DHRSX: variants seen among roughly 807,000 people sequenced by gnomAD.
The protein encoded by DHRSX is polyprenol dehydrogenase.
In DHRSX, 31 loss-of-function variants were observed where a neutral mutation model predicts 34.0. The observed-to-expected ratio is 0.91, with a 90% CI of 0.69 to 1.23. The LOEUF (loss-of-function observed/expected upper bound fraction) is 1.23. DHRSX is among the 50% of genes most tolerant of loss of function. The pLI is 0.00. For synonymous variants in DHRSX, 201 were observed against 183.8 expected (o/e 1.09, Z -0.76); for missense variants, 414 against 428.1 (o/e 0.97, Z 0.29).
At chrX:2,490,131 A>T (rs1298260910) in intron 1 of DHRSX, 2 of 1,613,914 alleles carry the variant, frequency 1.2e-6, no homozygotes, top group Admixed American at 3.3e-5. Flanking sequence ...ATGTCGGTGG[A>T]GATGCCACAC....
intron 1 of DHRSX, among the ~76,000 whole-genome samples, chrX:2,469,890 C>A (rs1428376606): frequency 6.6e-6 from 1 of 152,128 alleles, no homozygotes; most frequent in East Asian, 1.9e-4. Context: ...ATCCAGACAT[C>A]CCACCACTGG....
intron 3 of DHRSX, among the ~76,000 whole-genome samples, chrX:2,310,360 T>G (rs2042147990): frequency 6.6e-6 from 1 of 152,120 alleles, no homozygotes; most frequent in Non-Finnish European, 1.5e-5. Flanking sequence ...CGTCTCTCAT[T>G]TCTATATATT....
intron 4 of DHRSX, among the ~76,000 whole-genome samples, chrX:2,273,949 G>T (rs1239112082): frequency 6.6e-6 from 1 of 152,212 alleles, no homozygotes; most frequent in Admixed American, 6.5e-5. Flanking sequence ...GCGCCGTGGT[G>T]AATGCAGCAG....
intron 3 of DHRSX, among the ~76,000 whole-genome samples, chrX:2,342,289 G>A (rs2042650730): frequency 6.6e-6 from 1 of 152,054 alleles, no homozygotes; most frequent in South Asian, 2.1e-4. Context: ...ATTTGGTGTT[G>A]CCAAAGCAAG....
chrX:2,418,986 G>C (rs1049203915), intron 2 of DHRSX, among the ~76,000 whole-genome samples: 1 of 152,098 alleles, frequency 6.6e-6, no homozygotes, highest in Non-Finnish European at 1.5e-5. Context: ...ACAGATCATG[G>C]AGGTGCTCAA....
chrX:2,249,477 C>A (rs1453573320), intron 5 of DHRSX, among the ~76,000 whole-genome samples: 2 of 143,100 alleles, frequency 1.4e-5, no homozygotes, highest in African/African-American at 5.1e-5. Context: ...GAATGACAGA[C>A]GTGATGTGAG....
In DHRSX at chrX:2,282,359, GA is replaced by G. The variant is rs201411611; in HGVS notation, c.388+9142del. The stretch of plus-strand genomic sequence containing the variant: ...CAAACGAGAAAGGAAGAGAGAAGGA[GA>G]GGGAGGAAATAAGGGGAGAGACAGA... On this transcript the variant is annotated intron_variant, in intron 4 of 6. Transcript: ENST00000334651. 2.4e-4 allele frequency among the ~76,000 whole-genome samples: 32 copies of G among 135,096 alleles called. 1 individual carries two copies. Among genetic ancestry groups the G allele is most frequent in the African/African-American group, 7.4e-4 (23 of 31,112 alleles). 88.6% of individuals were successfully genotyped at this position (135,096 alleles called of 152,430 possible). A position where few individuals can be genotyped will look rare whatever the true frequency, so the allele number is the denominator to read the frequency against.
chrX:2,411,159 A>G (rs2043622399), intron 2 of DHRSX, among the ~76,000 whole-genome samples: 1 of 152,206 alleles, frequency 6.6e-6, no homozygotes, highest in African/African-American at 2.4e-5. Flanking sequence ...GGACTTGTAC[A>G]TTCATGAGCT....
intron 5 of DHRSX, among the ~76,000 whole-genome samples, chrX:2,262,244 GAGA>G (rs2041373263): frequency 6.6e-6 from 1 of 152,226 alleles, no homozygotes; most frequent in African/African-American, 2.4e-5. Flanking sequence ...GCCCTGAGCT[GAGA>G]AGAAGCCTGA....
chrX:2,430,661 A>G (rs889160077), intron 1 of DHRSX, among the ~76,000 whole-genome samples: 1 of 151,988 alleles, frequency 6.6e-6, no homozygotes, highest in African/African-American at 2.4e-5. Flanking sequence ...CCCTTCACAC[A>G]CAGTTCCCCT....
chrX:2,369,781 G>A (rs1380455882), intron 3 of DHRSX, among the ~76,000 whole-genome samples: 2 of 151,520 alleles, frequency 1.3e-5, no homozygotes, highest in Non-Finnish European at 2.9e-5. Context: ...TGGGATTACA[G>A]GCCTAAGCCA....
At chrX:2,399,835 C>A (rs2043464819) in intron 3 of DHRSX, among the ~76,000 whole-genome samples, 1 of 151,230 alleles carries the variant, frequency 6.6e-6, no homozygotes, top group Non-Finnish European at 1.5e-5. Context: ...GAGTTTGAGA[C>A]CAGCCTGGGC....
At chrX:2,301,066 G>A (rs190696283) in intron 3 of DHRSX, among the ~76,000 whole-genome samples, 7 of 152,320 alleles carry the variant, frequency 4.6e-5, no homozygotes, top group Admixed American at 4.6e-4. Flanking sequence ...TCTGCAGAAT[G>A]CAGCCAAAAT....
chrX:2,408,339 G>T (rs2043584778), intron 3 of DHRSX, among the ~76,000 whole-genome samples: 1 of 152,054 alleles, frequency 6.6e-6, no homozygotes, highest in African/African-American at 2.4e-5. Flanking sequence ...CTCCCAAAGT[G>T]CTGGGATTAC....
chrX:2,411,411 T>C (rs1403710312), intron 2 of DHRSX, among the ~76,000 whole-genome samples: 1 of 151,772 alleles, frequency 6.6e-6, no homozygotes, highest in East Asian at 1.9e-4. Context: ...TAGATGGGCA[T>C]GGTGATGTGT....
At chrX:2,229,864 T>C (rs2015829185) in intron 6 of DHRSX, among the ~76,000 whole-genome samples, 1 of 152,096 alleles carries the variant, frequency 6.6e-6, no homozygotes, top group Admixed American at 6.5e-5. Context: ...ATTGTATGAG[T>C]GTATGTGCAT....
At position 2,477,241 on chromosome X, in the gene DHRSX, G is replaced by A. The variant is rs142607156; in HGVS notation, c.109+23576C>T. ...GGCTCCGTCACTGATCAAAGAATGG[G>A]TACCACGACTTAGTGTCCACTGCAA... On this transcript the variant is annotated intron_variant, in intron 1 of 6. Transcript: ENST00000334651. 4.4e-3 allele frequency among the ~76,000 whole-genome samples: 668 copies of A among 152,174 alleles called. 3 individuals are homozygous for A. Among genetic ancestry groups the A allele is most frequent in the Non-Finnish European group, 7.7e-3 (523 of 68,024 alleles).
intron 6 of DHRSX, among the ~76,000 whole-genome samples, chrX:2,239,438 G>A (rs1411828522): frequency 6.6e-6 from 1 of 151,516 alleles, no homozygotes; most frequent in Non-Finnish European, 1.5e-5. Flanking sequence ...CAGCCAGGGT[G>A]ACAGAGCAAG....
chrX:2,325,198 G>C (rs1469039776), intron 3 of DHRSX, among the ~76,000 whole-genome samples: 1 of 152,038 alleles, frequency 6.6e-6, no homozygotes, highest in Admixed American at 6.6e-5. Context: ...GAGGACCTAG[G>C]GACTAGACAC....
Sources: gnomAD v4.1 joint callset for allele counts (sites outside exome capture counted in the v4.1 genomes callset) on GRCh38, gnomAD v4.1.1 for gene constraint, MANE v1.5 for transcripts, NCBI Gene and HGNC (gene_info 2026-07-23, HGNC 2026-07-21) for gene names.